TGM4: variants seen among roughly 807,000 people sequenced by gnomAD.
The protein encoded by TGM4 is transglutaminase 4, also known as protein-glutamine gamma-glutamyltransferase 4.
In TGM4, 61 loss-of-function variants were observed where a neutral mutation model predicts 76.3. The observed-to-expected ratio is 0.80, with a 90% CI of 0.65 to 0.99. TGM4 has a LOEUF of 0.99. Among genes scored for constraint, TGM4 ranks in the 50% least tolerant of loss-of-function variants. The probability of loss-of-function intolerance (pLI) is 0.00; values close to 1 mark genes in which losing one functional copy is unlikely to be tolerated. For missense variants in TGM4, 794 were observed against 843.2 expected (o/e 0.94, Z 0.72); for synonymous variants, 337 against 329.8 (o/e 1.02, Z -0.24).
At chr3:44,907,840 T>C (rs1575727241) in intron 10 of TGM4, among the ~76,000 whole-genome samples, 1 of 152,184 alleles carries the variant, frequency 6.6e-6, no homozygotes, top group Non-Finnish European at 1.5e-5. Flanking sequence ...CTGTGGCCCA[T>C]TGGCTGTGGT....
chr3:44,894,784 C>T (rs1323952138), intron 5 of TGM4, among the ~76,000 whole-genome samples: 1 of 152,088 alleles, frequency 6.6e-6, no homozygotes, highest in Non-Finnish European at 1.5e-5. Context: ...GGACTCCCAG[C>T]TGGCGAGGCT....
rs554931386 is a variant in TGM4 at position 44,887,700 on chromosome 3, A to G, written c.205A>G (p.Ser69Gly). Residue 69 changes from serine to glycine, a missense_variant, in exon 3 of 14, where the codon AGC (serine) becomes GGC (glycine). Coordinates refer to ENST00000296125, the MANE Select transcript of TGM4 (RefSeq NM_003241.4). The stretch of plus-strand genomic sequence containing the variant: ...TTGGGTGTCTCCAGGGCCGAATCCT[A>G]GCATCGCCAAACACACCCTGGTGGT... ...KLEFSTGPNP[S>G]IAKHTLVVLD... The G allele has an allele frequency of 6.2e-7, 1 of 1,613,842 alleles. No individual in the cohort carries two copies. Among genetic ancestry groups the G allele is most frequent in the African/African-American group, 1.3e-5 (1 of 75,036 alleles).
Position 44,910,382 on chromosome 3 carries a change from A to C in TGM4, c.1606+14A>C. 2 of 1,609,480 alleles carry C rather than the reference A, an allele frequency of 1.2e-6. No homozygotes were observed. Among genetic ancestry groups the C allele is most frequent in the South Asian group, 2.2e-5 (2 of 90,916 alleles). The stretch of plus-strand genomic sequence containing the variant: ...TCCAAGGTCAAGGTACCAGAACCAG[A>C]GGGAGGAGAGGCCTCAAGTGGGCTC... On this transcript the variant is annotated intron_variant, in intron 11 of 13. Coordinates refer to ENST00000296125, the MANE Select transcript of TGM4 (RefSeq NM_003241.4).
At chr3:44,880,028 G>A (rs144444444) in intron 1 of TGM4, among the ~76,000 whole-genome samples, 2,976 of 151,430 alleles carry the variant, frequency 0.02, 51 homozygotes, top group Middle Eastern at 0.067. Context: ...TGAACTCCTG[G>A]GCTCAAGGGA....
rs1204334885 is a variant in TGM4, at chr3:44,910,890, G to A, written c.1607-68G>A. The A allele has an allele frequency of 4.1e-5, 63 of 1,530,924 alleles. No individual in the cohort carries two copies. The East Asian group carries it at 1.4e-3, about 35-fold the overall frequency. 94.8% of individuals were successfully genotyped at this position (1,530,924 alleles called of 1,614,324 possible). A position where few individuals can be genotyped will look rare whatever the true frequency, so the allele number is the denominator to read the frequency against. On this transcript the variant is annotated intron_variant, in intron 11 of 13. Coordinates refer to ENST00000296125, the MANE Select transcript of TGM4 (RefSeq NM_003241.4). ...ACAAAGTTAATCTAATTCTGTGCTT[G>A]ATGAGGAGAACTCATACTGGGGGGG...
intron 6 of TGM4, among the ~76,000 whole-genome samples, chr3:44,898,398 A>G (rs1355035924): frequency 5.9e-5 from 9 of 152,180 alleles, no homozygotes; most frequent in Admixed American, 4.6e-4. Context: ...GTTGGTTGCA[A>G]TGTGGAATCT....
At chr3:44,901,305 C>T (rs1365369047) in intron 6 of TGM4, among the ~76,000 whole-genome samples, 2 of 152,196 alleles carry the variant, frequency 1.3e-5, no homozygotes, top group African/African-American at 4.8e-5. Flanking sequence ...AGGGAGGAAA[C>T]TGAGGCATAC....
rs547369621 is a variant in TGM4 at position 44,913,911 on chromosome 3, G to A, written c.*186G>A. The A allele has an allele frequency of 1.0e-5, 7 of 674,224 alleles. No homozygotes were observed. The highest frequency in any genetic ancestry group is 1.8e-5 in the African/African-American group (1 of 54,902). 41.8% of individuals were successfully genotyped at this position (674,224 alleles called of 1,614,324 possible). ...AAGGCCAGGTCCTGTGCTATCACAG[G>A]GTCACCTCTTTTACAGTTAGAAACA... is the stretch of plus-strand genomic sequence containing the variant. On this transcript the variant is annotated 3_prime_UTR_variant, in exon 14 of 14. Coordinates refer to ENST00000296125, the MANE Select transcript of TGM4 (RefSeq NM_003241.4).
intron 9 of TGM4, among the ~76,000 whole-genome samples, chr3:44,905,152 T>TA (rs1575725678): frequency 6.6e-6 from 1 of 152,090 alleles, no homozygotes; most frequent in East Asian, 1.9e-4. Context: ...GCCTGACTAA[T>TA]TTTTTGTATT....
intron 5 of TGM4, 116 bp downstream of exon 5, chr3:44,893,811 C>T: frequency 1.1e-6 from 1 of 912,974 alleles, no homozygotes; most frequent in Non-Finnish European, 1.8e-6. Flanking sequence ...GGTCAAACGC[C>T]AGCCTCATAC....
intron 10 of TGM4, among the ~76,000 whole-genome samples, chr3:44,908,666 C>A (rs763428017): frequency 2.0e-4 from 31 of 152,052 alleles, no homozygotes; most frequent in Non-Finnish European, 3.1e-4. Flanking sequence ...ATATTTGGTT[C>A]TTTTTTAAAA....
intron 1 of TGM4, among the ~76,000 whole-genome samples, chr3:44,877,659 A>C (rs1000759376): frequency 6.6e-6 from 1 of 152,134 alleles, no homozygotes. Flanking sequence ...TTATCAGATT[A>C]GCCAAGATTA....
At chr3:44,890,444 G>A in intron 3 of TGM4, 159 bp from the exon 4 acceptor site, 1 of 987,458 alleles carries the variant, frequency 1.0e-6, no homozygotes, top group Non-Finnish European at 1.5e-6. Context: ...CCCTTGCAGG[G>A]GCGCTCCTGG....
intron 1 of TGM4, among the ~76,000 whole-genome samples, chr3:44,883,547 G>A (rs754384832): frequency 5.9e-5 from 9 of 152,172 alleles, no homozygotes; most frequent in Non-Finnish European, 1.2e-4. Flanking sequence ...GGCACAAATG[G>A]GCTAAGATGC....
At position 44,901,535 on chromosome 3, in the gene TGM4, G is replaced by T; in HGVS notation, c.669G>T (p.Glu223Asp). ...CRAMCAMMSF[E>D]KGQGVLIGNW... ...TACGTGTGTGGCAGATGAGCTTTGA[G>T]AAAGGCCAGGGCGTGCTCATTGGGA... The change falls in exon 7 of 14, where the codon GAG becomes GAT. Residue 223 changes from glutamate (E) to aspartate (D), a missense_variant. By Grantham distance (45) the Glu-to-Asp change is conservative. Coordinates refer to ENST00000296125, the MANE Select transcript of TGM4 (RefSeq NM_003241.4). The T allele has an allele frequency of 6.2e-7, 1 of 1,605,578 alleles. No individual in the cohort carries two copies. The highest frequency in any genetic ancestry group is 8.5e-7 in the Non-Finnish European group (1 of 1,173,450).
chr3:44,885,974 GT>G (rs528418731), intron 2 of TGM4, among the ~76,000 whole-genome samples: 23 of 152,218 alleles, frequency 1.5e-4, no homozygotes, highest in Admixed American at 2.6e-4. Context: ...GAGAGAAAAT[GT>G]ATTAGATTTT....
chr3:44,883,393 C>T (rs576094527), intron 1 of TGM4, among the ~76,000 whole-genome samples: 4 of 152,316 alleles, frequency 2.6e-5, no homozygotes, highest in Admixed American at 2.6e-4. Flanking sequence ...CTCTCTCGCC[C>T]TCTGCCTTCT....
Position 44,895,244 on chromosome 3 carries a change from G to T in TGM4, c.550-1465G>T, listed in dbSNP as rs147077753. 4.8e-3 allele frequency among the ~76,000 whole-genome samples: 734 copies of T among 152,256 alleles called. 6 individuals carry two copies. Among genetic ancestry groups the T allele is most frequent in the African/African-American group, 0.017 (700 of 41,546 alleles). The stretch of plus-strand genomic sequence containing the variant: ...CGGGAGACGGAGGTTGCAGTGAGCC[G>T]AGATGGCGCCACTGTACTCCAGCCT... On this transcript the variant is annotated intron_variant, in intron 5 of 13. Coordinates refer to ENST00000296125, the MANE Select transcript of TGM4 (RefSeq NM_003241.4).
chr3:44,910,359 C>T lies in TGM4; in HGVS notation c.1597C>T (p.Gln533Ter), dbSNP rs775028119. ...TGACCTCAATAAGACCTCGCAGATC[C>T]AAGGTCAAGGTACCAGAACCAGAGG... ...LCDLNKTSQI[Q>*]GQVSEVTLTL... The change falls in exon 11 of 14, where the codon CAA (glutamine) becomes TAA (stop). Residue 533 changes from glutamine (Q) to a stop codon, truncating the protein, a stop_gained. Transcript: ENST00000296125. LOFTEE classifies it high-confidence loss of function. 1 of 1,613,350 alleles carries T rather than the reference C, an allele frequency of 6.2e-7. No individual in the cohort carries two copies. The highest frequency in any genetic ancestry group is 8.5e-7 in the Non-Finnish European group (1 of 1,179,426).
Sources: allele counts gnomAD v4.1 joint callset (sites outside exome capture counted in the v4.1 genomes callset), GRCh38; gene constraint gnomAD v4.1.1; transcripts MANE v1.5; gene names NCBI Gene and HGNC (gene_info 2026-07-23, HGNC 2026-07-21).